The following ADAMTS17 variants were observed in gnomAD, a reference collection of about 807,000 sequenced individuals.
The protein encoded by ADAMTS17 is ADAM metallopeptidase with thrombospondin type 1 motif 17.
In ADAMTS17, 113 loss-of-function variants were observed where a neutral mutation model predicts 141.5. The ratio of observed to expected loss-of-function variants is 0.80; its 90% CI spans 0.69 to 0.93. The LOEUF (loss-of-function observed/expected upper bound fraction) is 0.93. Ranked by LOEUF, ADAMTS17 falls within the 40% of genes least tolerant of loss-of-function variation. The pLI is 0.00. For synonymous variants in ADAMTS17, 768 were observed against 630.6 expected, an observed-to-expected ratio of 1.22 and a Z score of -3.27; for missense variants, 1,659 against 1,517.9, an observed-to-expected ratio of 1.09 and a Z score of -1.54.
At position 99,971,652 on chromosome 15, in the gene ADAMTS17, A is replaced by G. The variant is rs2060206534; in HGVS notation, c.*2750T>C. The G allele has an allele frequency of 6.6e-6, 1 of 152,198 alleles. No individual in the cohort carries two copies. Among genetic ancestry groups the G allele is most frequent in the African/African-American group, 2.4e-5 (1 of 41,422 alleles). The allele number at this position is 152,198 out of a possible 1,614,324, so 9.4% of individuals were successfully genotyped here. On this transcript the variant is annotated 3_prime_UTR_variant, in exon 22 of 22. Transcript: ENST00000268070. ...ATAGATACATTTGACTCTGAAACGAAAAAAGGACAATCGTATTGCCATAGA... is the reference window on the plus strand; with the variant it reads ...ATAGATACATTTGACTCTGAAACGAGAAAAGGACAATCGTATTGCCATAGA...
chr15:100,224,931 C>T (rs1156668025), intron 7 of ADAMTS17, among the ~76,000 whole-genome samples: 1 of 152,236 alleles, frequency 6.6e-6, no homozygotes, highest in African/African-American at 2.4e-5. Flanking sequence ...GACTTAACCA[C>T]CTGCATTCCA....
At chr15:100,339,890 T>G in intron 2 of ADAMTS17, among the ~76,000 whole-genome samples, 1 of 152,252 alleles carries the variant, frequency 6.6e-6, no homozygotes, top group East Asian at 1.9e-4. Flanking sequence ...AGGTCTCACA[T>G]AAGACCTTGC....
chr15:100,164,100 T>TA (rs1408764304), intron 8 of ADAMTS17, among the ~76,000 whole-genome samples: 2 of 152,120 alleles, frequency 1.3e-5, no homozygotes, highest in African/African-American at 2.4e-5. Context: ...GCTAGCTGCT[T>TA]AGTCTCCCGT....
intron 7 of ADAMTS17, among the ~76,000 whole-genome samples, chr15:100,218,157 G>A (rs1288124564): frequency 6.6e-6 from 1 of 152,128 alleles, no homozygotes; most frequent in Non-Finnish European, 1.5e-5. Context: ...GCAGGCGTGA[G>A]CCACTGCACT....
At chr15:100,150,829 C>G (rs1178186610) in intron 10 of ADAMTS17, among the ~76,000 whole-genome samples, 1 of 152,150 alleles carries the variant, frequency 6.6e-6, no homozygotes, top group Non-Finnish European at 1.5e-5. Flanking sequence ...GTCTGGGGCC[C>G]TTTTCTCTGC....
chr15:100,326,192 C>T (rs2045896000), intron 3 of ADAMTS17, among the ~76,000 whole-genome samples: 2 of 152,146 alleles, frequency 1.3e-5, no homozygotes, highest in Admixed American at 1.3e-4. Flanking sequence ...ATAGAGTTAA[C>T]ATTTATATGC....
chr15:100,251,716 C>T (rs904116330), intron 7 of ADAMTS17, among the ~76,000 whole-genome samples: 12 of 152,108 alleles, frequency 7.9e-5, no homozygotes, highest in African/African-American at 2.9e-4. Flanking sequence ...CCAGCCTGGG[C>T]GACAGAGCGA....
At chr15:100,131,492 G>A (rs950248950) in intron 12 of ADAMTS17, among the ~76,000 whole-genome samples, 1 of 152,046 alleles carries the variant, frequency 6.6e-6, no homozygotes, top group Non-Finnish European at 1.5e-5. Flanking sequence ...AAGGTGAACA[G>A]GAAAGGTCAT....
intron 7 of ADAMTS17, among the ~76,000 whole-genome samples, chr15:100,202,668 G>C (rs537628752): frequency 5.9e-5 from 9 of 152,348 alleles, no homozygotes; most frequent in African/African-American, 2.2e-4. Context: ...GTCTAGGGAA[G>C]ACAGAGCCCT....
chr15:100,252,113 A>G (rs1366418329), intron 7 of ADAMTS17, among the ~76,000 whole-genome samples: 1 of 152,248 alleles, frequency 6.6e-6, no homozygotes, highest in Non-Finnish European at 1.5e-5. Flanking sequence ...GCTCTTCACC[A>G]GGGGCCTGAA....
intron 4 of ADAMTS17, among the ~76,000 whole-genome samples, chr15:100,276,550 C>T (rs1262923286): frequency 6.7e-6 from 1 of 150,132 alleles, no homozygotes; most frequent in Admixed American, 6.6e-5. Context: ...TGGCCATCAG[C>T]ACGAATCATG....
intron 20 of ADAMTS17, among the ~76,000 whole-genome samples, chr15:99,982,615 T>C (rs969886762): frequency 2.6e-5 from 4 of 152,210 alleles, no homozygotes; most frequent in African/African-American, 7.2e-5. Context: ...CAAGCATTGC[T>C]GTGAAGCCAT....
intron 10 of ADAMTS17, among the ~76,000 whole-genome samples, chr15:100,141,499 G>A (rs2038651230): frequency 6.6e-6 from 1 of 152,200 alleles, no homozygotes; most frequent in Non-Finnish European, 1.5e-5. Context: ...AACGCTAAGA[G>A]CTGGATGAAA....
At chr15:100,251,853 A>G (rs1200464149) in intron 7 of ADAMTS17, among the ~76,000 whole-genome samples, 2 of 152,198 alleles carry the variant, frequency 1.3e-5, no homozygotes, top group Non-Finnish European at 2.9e-5. Flanking sequence ...CACACAGAGG[A>G]AAGGCCACAA....
intron 10 of ADAMTS17, among the ~76,000 whole-genome samples, chr15:100,140,462 C>T (rs2038571711): frequency 1.6e-5 from 2 of 121,876 alleles, no homozygotes; most frequent in Non-Finnish European, 3.4e-5. Context: ...GACACACACA[C>T]ACACACAGAC....
chr15:100,051,219 C>T (rs1351883278), intron 17 of ADAMTS17, among the ~76,000 whole-genome samples: 1 of 152,182 alleles, frequency 6.6e-6, no homozygotes, highest in Admixed American at 6.5e-5. Context: ...GAGACATGCT[C>T]TGGTGCCCCT....
At chr15:100,264,326 T>C (rs564325701) in intron 4 of ADAMTS17, among the ~76,000 whole-genome samples, 8 of 152,244 alleles carry the variant, frequency 5.3e-5, no homozygotes, top group Non-Finnish European at 1.0e-4. Flanking sequence ...TAATTCAAAT[T>C]TTCCTTAAAA....
At chr15:100,319,701 C>A (rs1202973359) in intron 3 of ADAMTS17, among the ~76,000 whole-genome samples, 2 of 151,738 alleles carry the variant, frequency 1.3e-5, no homozygotes, top group Non-Finnish European at 2.9e-5. Context: ...CAGAGAGAGA[C>A]TCCATCTCGA....
In ADAMTS17 at chr15:100,244,828, T is replaced by G. The variant is rs74037597; in HGVS notation, c.1075+9308A>C. Among the ~76,000 whole-genome samples the G allele has an allele frequency of 7.3e-3, 1,107 of 152,264 alleles. 11 individuals carry two copies. The highest frequency in any genetic ancestry group is 0.026 in the African/African-American group (1,062 of 41,542). ...TGCACCGCCGAGTGCAGGCTGTTTA[T>G]GAACAGGCAGCACACAGGGTCTAAG... On this transcript the variant is annotated intron_variant, in intron 7 of 21. Coordinates refer to ENST00000268070, the MANE Select transcript of ADAMTS17 (RefSeq NM_139057.4).
Sources: gnomAD v4.1 joint callset for allele counts (sites outside exome capture counted in the v4.1 genomes callset) on GRCh38, gnomAD v4.1.1 for gene constraint, MANE v1.5 for transcripts, NCBI Gene and HGNC (gene_info 2026-07-23, HGNC 2026-07-21) for gene names.